Variants in RTF2 observed in about 807,000 individuals in gnomAD.
RTF2 encodes replication termination factor 2, also known as UPF0549 protein C20orf43.
Under a neutral mutation model 38.0 loss-of-function variants are expected in RTF2, and 18 were observed. The observed-to-expected ratio is 0.47, with a 90% confidence interval of 0.33 to 0.70. RTF2 has a LOEUF of 0.70. Ranked by LOEUF, RTF2 falls within the 30% of genes least tolerant of loss-of-function variation. The probability of loss-of-function intolerance (pLI) is 0.02; values close to 1 mark genes in which losing one functional copy is unlikely to be tolerated. For synonymous variants in RTF2, 126 were observed against 137.1 expected (o/e 0.92, Z 0.57); for missense variants, 311 against 379.6 (o/e 0.82, Z 1.50).
intron 6 of RTF2, among the ~76,000 whole-genome samples, chr20:56,514,581 A>G (rs970268615): frequency 6.6e-6 from 1 of 152,156 alleles, no homozygotes; most frequent in Non-Finnish European, 1.5e-5. Context: ...TTTTTAAAAA[A>G]TCATAACAAG....
chr20:56,470,808 G>A (rs570064896), intron 1 of RTF2: 12 of 385,690 alleles, frequency 3.1e-5, no homozygotes, highest in Middle Eastern at 4.3e-4. Flanking sequence ...CTGGGTTGCC[G>A]ACAACATCCA....
At chr20:56,493,344 T>G (rs892843657) in intron 5 of RTF2, among the ~76,000 whole-genome samples, 1 of 151,926 alleles carries the variant, frequency 6.6e-6, no homozygotes, top group Non-Finnish European at 1.5e-5. Context: ...CTCAGTAGAG[T>G]TACATTTAAC....
chr20:56,472,197 G>T, intron 1 of RTF2: 1 of 592,486 alleles, frequency 1.7e-6, no homozygotes, highest in Non-Finnish European at 2.9e-6. Flanking sequence ...GCCCAGTCTG[G>T]GCAACAGAGC....
At chr20:56,485,470 A>G (rs1982744748) in intron 5 of RTF2, among the ~76,000 whole-genome samples, 1 of 152,222 alleles carries the variant, frequency 6.6e-6, no homozygotes, top group Non-Finnish European at 1.5e-5. Context: ...GCAGGAAGCC[A>G]GAAGGCAGCT....
chr20:56,468,742 G>T lies in RTF2; in HGVS notation c.45G>T (p.Val15=), dbSNP rs754072571. The T allele has an allele frequency of 1.3e-5, 21 of 1,588,808 alleles. No homozygotes were observed. The highest frequency in any genetic ancestry group is 1.8e-5 in the Non-Finnish European group (21 of 1,167,924). ...GGTIPKRHEL[V]KGPKKVEKVD... ...CAATCCCCAAGAGGCATGAACTGGTGAAGGGGCCGAAGAAGGTTGAGAAGG... is the reference window on the plus strand; with the variant it reads ...CAATCCCCAAGAGGCATGAACTGGTTAAGGGGCCGAAGAAGGTTGAGAAGG... Residue 15 remains valine, a synonymous_variant, in exon 1 of 9, where the codon GTG becomes GTT. Coordinates refer to ENST00000357348, the MANE Select transcript of RTF2 (RefSeq NM_016407.5).
chr20:56,494,045 A>AT (rs937473931), intron 5 of RTF2, among the ~76,000 whole-genome samples: 12 of 152,116 alleles, frequency 7.9e-5, no homozygotes, highest in Non-Finnish European at 1.5e-5. Context: ...TAAAGGGTGA[A>AT]TAATGATTGT....
At chr20:56,496,900 G>A (rs1222235412) in intron 5 of RTF2, 1 of 1,551,482 alleles carries the variant, frequency 6.4e-7, no homozygotes, top group Non-Finnish European at 8.7e-7. Flanking sequence ...ATGTGCAATG[G>A]TTGGATTACT....
At chr20:56,473,579 A>G (rs1280064414) in intron 2 of RTF2, among the ~76,000 whole-genome samples, 184 bp downstream of exon 2, 1 of 152,160 alleles carries the variant, frequency 6.6e-6, no homozygotes, top group East Asian at 1.9e-4. Flanking sequence ...TATTTAATCC[A>G]TGGTTTGAAA....
At chr20:56,483,730 TATA>T (rs1232352230) in intron 4 of RTF2, among the ~76,000 whole-genome samples, 1 of 152,222 alleles carries the variant, frequency 6.6e-6, no homozygotes, top group Non-Finnish European at 1.5e-5. Flanking sequence ...TTGGTCTTTA[TATA>T]TTTTTTGTAC....
chr20:56,497,670 T>C, intron 5 of RTF2: 1 of 1,167,688 alleles, frequency 8.6e-7, no homozygotes, highest in Non-Finnish European at 1.1e-6. Context: ...TTAAGCTTCC[T>C]AAAAGAACAA....
chr20:56,471,703 A>T (rs900956314), intron 1 of RTF2: 1 of 152,258 alleles, frequency 6.6e-6, no homozygotes, highest in Non-Finnish European at 1.5e-5. Flanking sequence ...TTCGGGGGAA[A>T]CAATTTTCAA....
rs977991437 is a variant in RTF2, at chr20:56,468,645, C to T, written c.-53C>T. The T allele has an allele frequency of 3.3e-6, 5 of 1,508,022 alleles. No homozygotes were observed. Among genetic ancestry groups the T allele is most frequent in the Non-Finnish European group, 4.5e-6 (5 of 1,108,310 alleles). 93.4% of individuals were successfully genotyped at this position (1,508,022 alleles called of 1,614,324 possible). On this transcript the variant is annotated 5_prime_UTR_variant, in exon 1 of 9. Transcript: ENST00000357348. ...AGTGGCTGCGGATTTCGCCGGAAAT[C>T]CCGGAAGTGACAGCTTTGGGGGTTT...
At chr20:56,495,360 T>A in intron 5 of RTF2, 1 of 1,251,872 alleles carries the variant, frequency 8.0e-7, no homozygotes, top group Non-Finnish European at 1.1e-6. Flanking sequence ...TTAGTACAAG[T>A]TCTTCTGTGC....
intron 5 of RTF2, among the ~76,000 whole-genome samples, chr20:56,512,044 A>G (rs978872122): frequency 1.3e-5 from 2 of 152,122 alleles, no homozygotes; most frequent in African/African-American, 2.4e-5. Context: ...GGGTTTCACC[A>G]TATTGGTCAG....
At chr20:56,496,960 T>C in intron 5 of RTF2, 4 of 1,551,670 alleles carry the variant, frequency 2.6e-6, no homozygotes, top group Non-Finnish European at 3.5e-6. Context: ...TAGTGTATGA[T>C]TTCTCTGTTG....
At chr20:56,517,321 T>C (rs1985112961) in intron 8 of RTF2, 120 bp downstream of exon 8, 3 of 746,316 alleles carry the variant, frequency 4.0e-6, no homozygotes, top group Non-Finnish European at 6.9e-6. Flanking sequence ...GTCATGTCTC[T>C]AGAGAGTGCA....
intron 5 of RTF2, among the ~76,000 whole-genome samples, chr20:56,499,196 T>C (rs1983756336): frequency 7.1e-6 from 1 of 141,410 alleles, no homozygotes; most frequent in Non-Finnish European, 1.5e-5. Flanking sequence ...ATACTTATCT[T>C]TTTTTTTTTT....
At chr20:56,497,130 C>T in intron 5 of RTF2, 10 of 1,551,584 alleles carry the variant, frequency 6.4e-6, no homozygotes, top group Non-Finnish European at 8.7e-6. Context: ...GTTTTCAAAA[C>T]AGTTAACCAA....
chr20:56,475,355 T>C (rs1982185367), intron 3 of RTF2, among the ~76,000 whole-genome samples: 1 of 152,194 alleles, frequency 6.6e-6, no homozygotes, highest in East Asian at 1.9e-4. Flanking sequence ...GCCCCATGGC[T>C]AGCGAAGTAC....
Sources: allele counts gnomAD v4.1 joint callset (sites outside exome capture counted in the v4.1 genomes callset), GRCh38; gene constraint gnomAD v4.1.1; transcripts MANE v1.5; gene names NCBI Gene and HGNC (gene_info 2026-07-23, HGNC 2026-07-21).